The following RABGAP1L variants were observed in gnomAD, a reference collection of about 807,000 sequenced individuals.
The protein encoded by RABGAP1L is rab GTPase-activating protein 1-like.
A neutral mutation model predicts 137.7 loss-of-function variants in RABGAP1L; 63 were observed. The ratio of observed to expected loss-of-function variants is 0.46; its 90% confidence interval spans 0.37 to 0.56. The LOEUF is 0.56. Among genes scored for constraint, RABGAP1L ranks in the 20% least tolerant of loss-of-function variants. The pLI, the probability that RABGAP1L is intolerant of heterozygous loss-of-function variation, is 0.00. For missense variants in RABGAP1L, 1,095 were observed against 1,244.0 expected (o/e 0.88, Z 1.80); for synonymous variants, 431 against 433.7 (o/e 0.99, Z 0.08).
chr1:174,403,370 T>A (rs1313469200), intron 13 of RABGAP1L, among the ~76,000 whole-genome samples: 2 of 151,812 alleles, frequency 1.3e-5, no homozygotes, highest in Non-Finnish European at 2.9e-5. Flanking sequence ...GCACTGCAGT[T>A]CATTCTTTTA....
intron 13 of RABGAP1L, among the ~76,000 whole-genome samples, chr1:174,629,200 A>G (rs534151351): frequency 6.8e-4 from 104 of 152,210 alleles, no homozygotes; most frequent in Non-Finnish European, 1.1e-3. Flanking sequence ...TTCCTGAAAC[A>G]TAAACTCTTT....
intron 13 of RABGAP1L, among the ~76,000 whole-genome samples, chr1:174,611,847 GCTCT>G (rs1671284444): frequency 6.6e-6 from 1 of 152,006 alleles, no homozygotes; most frequent in South Asian, 2.1e-4. Flanking sequence ...TCATGATTTG[GCTCT>G]CTGTTTGTCT....
At chr1:174,310,284 T>G (rs1370874406) in intron 11 of RABGAP1L, among the ~76,000 whole-genome samples, 1 of 152,178 alleles carries the variant, frequency 6.6e-6, no homozygotes, top group Non-Finnish European at 1.5e-5. Context: ...GTTATTAATT[T>G]GTTGTTTTAT....
intron 12 of RABGAP1L, among the ~76,000 whole-genome samples, chr1:174,393,032 T>C (rs935711751): frequency 1.3e-5 from 2 of 152,206 alleles, no homozygotes; most frequent in Admixed American, 6.5e-5. Context: ...TATTGAGATA[T>C]GCAATTCAGT....
chr1:174,519,238 A>G (rs1375916358), intron 13 of RABGAP1L, among the ~76,000 whole-genome samples: 2 of 151,956 alleles, frequency 1.3e-5, no homozygotes, highest in East Asian at 1.9e-4. Context: ...ACACACATAT[A>G]TATATATTTA....
chr1:174,232,124 A>C (rs1272753228), intron 4 of RABGAP1L, among the ~76,000 whole-genome samples: 1 of 152,220 alleles, frequency 6.6e-6, no homozygotes, highest in Non-Finnish European at 1.5e-5. Context: ...TAAGTTATTT[A>C]CATTAGACTG....
At chr1:174,274,632 G>GTGTGTT (rs1674820390) in intron 8 of RABGAP1L, among the ~76,000 whole-genome samples, 1 of 151,888 alleles carries the variant, frequency 6.6e-6, no homozygotes, top group Non-Finnish European at 1.5e-5. Flanking sequence ...GTGTGTGTGT[G>GTGTGTT]TGTGTGTAGA....
intron 13 of RABGAP1L, among the ~76,000 whole-genome samples, chr1:174,548,893 A>G (rs1666227733): frequency 6.6e-6 from 1 of 152,248 alleles, no homozygotes; most frequent in Non-Finnish European, 1.5e-5. Context: ...ATTTAAAACT[A>G]CAATAGTGAT....
chr1:174,329,295 A>G (rs1680814940), intron 11 of RABGAP1L, among the ~76,000 whole-genome samples: 1 of 152,184 alleles, frequency 6.6e-6, no homozygotes, highest in Admixed American at 6.5e-5. Context: ...AAGAAGAAAT[A>G]GAAAATCTGA....
chr1:174,937,087 T>C (rs2149277220), intron 19 of RABGAP1L, among the ~76,000 whole-genome samples: 1 of 148,072 alleles, frequency 6.8e-6, no homozygotes. Flanking sequence ...CAAGCGATTC[T>C]TCTGCCTCAG....
In RABGAP1L at chr1:174,984,606, G is replaced by A. The variant is rs1436503578; in HGVS notation, c.2805+1701G>A. ...AAATAACAAAAATTAGCCAGGCATA[G>A]TGGCTCACACCTGTAATCTCAGCTA... is the stretch of plus-strand genomic sequence containing the variant. On this transcript the variant is annotated intron_variant, in intron 24 of 25. Coordinates refer to ENST00000681986, the MANE Select transcript of RABGAP1L (RefSeq NM_001366446.1). Among the ~76,000 whole-genome samples, 5 of 152,262 alleles carry A rather than the reference G, an allele frequency of 3.3e-5. No homozygotes were observed. The East Asian group carries it at 9.7e-4, about 29-fold the overall frequency.
chr1:174,929,440 G>T (rs576563520), intron 19 of RABGAP1L, among the ~76,000 whole-genome samples: 4 of 152,196 alleles, frequency 2.6e-5, no homozygotes, highest in African/African-American at 9.6e-5. Flanking sequence ...GCTTTAATTA[G>T]TTAGAAATTA....
intron 18 of RABGAP1L, among the ~76,000 whole-genome samples, chr1:174,783,628 T>A (rs978730785): frequency 1.3e-5 from 2 of 152,170 alleles, no homozygotes; most frequent in Non-Finnish European, 2.9e-5. Context: ...CAATTTGAAA[T>A]TAGTACTGCC....
At position 174,420,008 on chromosome 1, in the gene RABGAP1L, T is replaced by A. The variant is rs1651067220; in HGVS notation, c.1710+25863T>A. 2.0e-5 allele frequency among the ~76,000 whole-genome samples: 3 copies of A among 152,156 alleles called. No individual in the cohort carries two copies. In the South Asian group the frequency reaches 6.2e-4, roughly 32 times the overall value. Reference sequence around the variant, plus strand: ...TGAATCTTCATTCTTATACTATTAATATTCAACACAGTTAAAACCATAATA... The same window carrying A: ...TGAATCTTCATTCTTATACTATTAAAATTCAACACAGTTAAAACCATAATA... On this transcript the variant is annotated intron_variant, in intron 13 of 25. Transcript: ENST00000681986.
chr1:174,596,615 A>T lies in RABGAP1L; in HGVS notation c.1711-40760A>T, dbSNP rs148556522. Among the ~76,000 whole-genome samples, 108 of 152,172 alleles carry T rather than the reference A, an allele frequency of 7.1e-4. 2 individuals carry two copies. The East Asian group carries it at 0.016, about 22-fold the overall frequency. Reference sequence around the variant, plus strand: ...ACTTCTCAGTTCTAATAATTTCTTGATTAAGTCTTTAGGTTTTTCTAAATA... The same window carrying T: ...ACTTCTCAGTTCTAATAATTTCTTGTTTAAGTCTTTAGGTTTTTCTAAATA... On this transcript the variant is annotated intron_variant, in intron 13 of 25. Coordinates refer to ENST00000681986, the MANE Select transcript of RABGAP1L (RefSeq NM_001366446.1).
intron 10 of RABGAP1L, among the ~76,000 whole-genome samples, chr1:174,288,721 T>C (rs1676297722): frequency 6.6e-6 from 1 of 152,190 alleles, no homozygotes; most frequent in Admixed American, 6.5e-5. Context: ...ATGGGTCTCA[T>C]AACTTTGACT....
intron 13 of RABGAP1L, among the ~76,000 whole-genome samples, chr1:174,471,442 A>G (rs1657924079): frequency 2.6e-5 from 4 of 152,208 alleles, no homozygotes; most frequent in Admixed American, 1.3e-4. Flanking sequence ...GTCTCTTCAT[A>G]TATTAGAAAT....
At chr1:174,492,843 C>A (rs1050065631) in intron 13 of RABGAP1L, among the ~76,000 whole-genome samples, 8 of 152,076 alleles carry the variant, frequency 5.3e-5, no homozygotes, top group African/African-American at 1.9e-4. Context: ...AGGGTTTCTT[C>A]CTTCATCACT....
Position 174,176,326 on chromosome 1 carries a change from T to C in RABGAP1L, c.-34+16669T>C, listed in dbSNP as rs1381408646. On this transcript the variant is annotated intron_variant, in intron 1 of 25. Coordinates refer to ENST00000681986, the MANE Select transcript of RABGAP1L (RefSeq NM_001366446.1). ...TTGCAGTTTGAATGGATCTTTTATC[T>C]ATGTGTAATTTTATAACTCGTCATT... 9.8e-5 allele frequency among the ~76,000 whole-genome samples: 15 copies of C among 152,308 alleles called. No individual in the cohort carries two copies. The East Asian group carries it at 2.9e-3, about 29-fold the overall frequency.
Sources: gnomAD v4.1 joint callset for allele counts (sites outside exome capture counted in the v4.1 genomes callset) on GRCh38, gnomAD v4.1.1 for gene constraint, MANE v1.5 for transcripts, NCBI Gene and HGNC (gene_info 2026-07-23, HGNC 2026-07-21) for gene names.